The following SLC16A10 variants were observed in gnomAD, a reference collection of about 807,000 sequenced individuals.
SLC16A10 encodes solute carrier family 16 member 10.
SLC16A10 carries 27 observed loss-of-function variants against 40.0 expected under a neutral mutation model. The observed-to-expected ratio is 0.67, with a 90% CI of 0.50 to 0.93. SLC16A10 has a LOEUF of 0.93. Among genes scored for constraint, SLC16A10 ranks in the 40% least tolerant of loss-of-function variants. The pLI is 0.00. For synonymous variants in SLC16A10, 213 were observed against 249.8 expected, an observed-to-expected ratio of 0.85 and a Z score of 1.39; for missense variants, 529 against 658.2, an observed-to-expected ratio of 0.80 and a Z score of 2.15.
chr6:111,089,175 G>A (rs1770929068), intron 1 of SLC16A10, among the ~76,000 whole-genome samples: 1 of 151,964 alleles, frequency 6.6e-6, no homozygotes, highest in Non-Finnish European at 1.5e-5. Context: ...TGCATATGAG[G>A]AATGGGCAAG....
In SLC16A10 at chr6:111,229,524, G is replaced by T. The variant is rs1771068520; in HGVS notation, c.*7289G>T. The T allele has an allele frequency of 6.6e-6, 1 of 152,154 alleles. No homozygotes were observed. Among genetic ancestry groups the T allele is most frequent in the African/African-American group, 2.4e-5 (1 of 41,440 alleles). 9.4% of individuals were successfully genotyped at this position (152,154 alleles called of 1,614,324 possible). A position where few individuals can be genotyped will look rare whatever the true frequency, so the allele number is the denominator to read the frequency against. ...GTTATATATAATAGCTTCCTATTGA[G>T]CTGGCTTATGTAGACATTTGGACAT... On this transcript the variant is annotated 3_prime_UTR_variant, in exon 6 of 6. Coordinates refer to ENST00000368851, the MANE Select transcript of SLC16A10 (RefSeq NM_018593.5).
intron 1 of SLC16A10, among the ~76,000 whole-genome samples, chr6:111,089,962 C>T (rs1237575742): frequency 9.8e-6 from 1 of 102,446 alleles, no homozygotes; most frequent in Non-Finnish European, 1.7e-5. Context: ...AGAGAGAGAG[C>T]AATTGCCAGA....
chr6:111,199,839 AC>A (rs1337748786), intron 3 of SLC16A10, among the ~76,000 whole-genome samples: 5 of 151,446 alleles, frequency 3.3e-5, no homozygotes, highest in African/African-American at 1.2e-4. Flanking sequence ...AAAAAAAAAA[AC>A]AAGTAGAAAT....
chr6:111,146,746 A>AG (rs1448045374), intron 1 of SLC16A10, among the ~76,000 whole-genome samples: 1 of 152,200 alleles, frequency 6.6e-6, no homozygotes, highest in Admixed American at 6.5e-5. Flanking sequence ...CAAAAAAAAA[A>AG]AAGATATATA....
intron 3 of SLC16A10, among the ~76,000 whole-genome samples, chr6:111,194,915 A>C (rs1457621065): frequency 1.3e-5 from 2 of 152,048 alleles, no homozygotes; most frequent in Non-Finnish European, 2.9e-5. Flanking sequence ...ATGCAGTGGG[A>C]ATTGCCCAGG....
intron 1 of SLC16A10, among the ~76,000 whole-genome samples, chr6:111,127,673 G>A (rs1771700746): frequency 1.3e-5 from 2 of 152,190 alleles, no homozygotes; most frequent in Admixed American, 1.3e-4. Flanking sequence ...CTCCTAATCT[G>A]ATCATTGGAT....
chr6:111,136,842 A>G (rs1349178468), intron 1 of SLC16A10, among the ~76,000 whole-genome samples: 1 of 152,240 alleles, frequency 6.6e-6, no homozygotes, highest in East Asian at 1.9e-4. Flanking sequence ...GCCCTCACTC[A>G]GGCACTAGAA....
At chr6:111,139,036 T>A (rs1771932714) in intron 1 of SLC16A10, among the ~76,000 whole-genome samples, 1 of 151,694 alleles carries the variant, frequency 6.6e-6, no homozygotes, top group Non-Finnish European at 1.5e-5. Flanking sequence ...TCTGAGATAC[T>A]TTTCCCTCTC....
At chr6:111,116,218 A>AT (rs1193446274) in intron 1 of SLC16A10, among the ~76,000 whole-genome samples, 99 of 148,644 alleles carry the variant, frequency 6.7e-4, no homozygotes, top group East Asian at 1.6e-3. Flanking sequence ...TGTTTTTGTT[A>AT]TTTTTTTTTT....
chr6:111,095,473 G>C (rs951581356), intron 1 of SLC16A10, among the ~76,000 whole-genome samples: 8 of 152,298 alleles, frequency 5.3e-5, no homozygotes, highest in Admixed American at 3.3e-4. Context: ...CAGAGAACCT[G>C]ATTTCAACCT....
At chr6:111,214,308 G>A (rs918024905) in intron 4 of SLC16A10, among the ~76,000 whole-genome samples, 4 of 152,138 alleles carry the variant, frequency 2.6e-5, no homozygotes, top group African/African-American at 9.7e-5. Context: ...AATCTAACCA[G>A]AGCTGCTGTG....
At chr6:111,114,085 C>G (rs1053467873) in intron 1 of SLC16A10, among the ~76,000 whole-genome samples, 1 of 152,212 alleles carries the variant, frequency 6.6e-6, no homozygotes, top group Admixed American at 6.5e-5. Context: ...TTTCTCTTCT[C>G]TCCCTCTTTT....
chr6:111,114,876 TTTTA>T (rs1771457729), intron 1 of SLC16A10, among the ~76,000 whole-genome samples: 1 of 152,188 alleles, frequency 6.6e-6, no homozygotes, highest in Non-Finnish European at 1.5e-5. Context: ...ATCTATTTAT[TTTTA>T]TTTATTTTTT....
rs1771025980 is a variant in SLC16A10 at position 111,227,680 on chromosome 6, T to C, written c.*5445T>C. On this transcript the variant is annotated 3_prime_UTR_variant, in exon 6 of 6. Coordinates refer to ENST00000368851, the MANE Select transcript of SLC16A10 (RefSeq NM_018593.5). ...GGTGTAATCTTGCTTTCTGGGGAAA[T>C]AAAATTCCCCATGGTACTATATTCC... 6.6e-6 allele frequency: 1 copy of C among 152,170 alleles called. No individual in the cohort carries two copies. 9.4% of individuals were successfully genotyped at this position (152,170 alleles called of 1,614,324 possible).
At chr6:111,112,718 G>T (rs1050612253) in intron 1 of SLC16A10, among the ~76,000 whole-genome samples, 2 of 152,176 alleles carry the variant, frequency 1.3e-5, no homozygotes, top group African/African-American at 4.8e-5. Flanking sequence ...AAATCAAAAA[G>T]AGTTTTTATT....
intron 1 of SLC16A10, among the ~76,000 whole-genome samples, chr6:111,167,084 A>G (rs1410650970): frequency 6.6e-6 from 1 of 152,196 alleles, no homozygotes; most frequent in African/African-American, 2.4e-5. Context: ...GAAATCTCTT[A>G]TTTGTTTTTA....
At chr6:111,182,310 C>CTTTTTTTTTTTTTTTTTTTTTT (rs372963281) in intron 3 of SLC16A10, among the ~76,000 whole-genome samples, 1 of 103,624 alleles carries the variant, frequency 9.7e-6, no homozygotes. Flanking sequence ...CTCTGGGTTT[C>CTTTTTTTTTTTTTTTTTTTTTT]TTTTTTTTTT....
chr6:111,162,615 C>A (rs1352431164), intron 1 of SLC16A10, among the ~76,000 whole-genome samples: 1 of 152,212 alleles, frequency 6.6e-6, no homozygotes, highest in Non-Finnish European at 1.5e-5. Flanking sequence ...TGGATTCTTA[C>A]TGCACTGATG....
intron 4 of SLC16A10, among the ~76,000 whole-genome samples, chr6:111,212,428 T>C (rs556031340): frequency 3.9e-5 from 6 of 152,300 alleles, no homozygotes; most frequent in Admixed American, 3.9e-4. Context: ...ATCTCACATT[T>C]TTGCTTAAGA....
Sources: allele counts gnomAD v4.1 joint callset (sites outside exome capture counted in the v4.1 genomes callset), GRCh38; gene constraint gnomAD v4.1.1; transcripts MANE v1.5; gene names NCBI Gene and HGNC (gene_info 2026-07-23, HGNC 2026-07-21).